Variants in POLR3A observed in about 807,000 individuals in gnomAD.
POLR3A encodes RNA polymerase III subunit A, also known as DNA-directed RNA polymerase III subunit RPC1.
A neutral mutation model predicts 152.8 loss-of-function variants in POLR3A; 112 were observed. The ratio of observed to expected loss-of-function variants is 0.73; its 90% CI spans 0.63 to 0.86. The LOEUF (loss-of-function observed/expected upper bound fraction) is 0.86, where lower values mean the gene tolerates loss of function less well. POLR3A is among the 40% of genes least tolerant of loss of function. The pLI, the probability that POLR3A is intolerant of heterozygous loss-of-function variation, is 0.00. For missense variants in POLR3A, 1,385 were observed against 1,743.1 expected, an observed-to-expected ratio of 0.79 and a Z score of 3.66; for synonymous variants, 615 against 652.1, an observed-to-expected ratio of 0.94 and a Z score of 0.87.
At position 77,976,220 on chromosome 10, in the gene POLR3A, C is replaced by A. The variant is rs1181485769; in HGVS notation, c.*1258G>T. The stretch of plus-strand genomic sequence containing the variant: ...TCTTGGCTCACTACAACCTCCACCT[C>A]CCAGGCTCAAGTGAACCTTCCACCT... On this transcript the variant is annotated 3_prime_UTR_variant, in exon 31 of 31. Transcript: ENST00000372371. 6.6e-6 allele frequency: 1 copy of A among 151,718 alleles called. No homozygotes were observed. The highest frequency in any genetic ancestry group is 1.9e-4 in the East Asian group (1 of 5,142). The allele number at this position is 151,718 out of a possible 1,614,324, so 9.4% of individuals were successfully genotyped here.
chr10:77,988,350 C>T (rs531982067), intron 21 of POLR3A, among the ~76,000 whole-genome samples: 1 of 152,138 alleles, frequency 6.6e-6, no homozygotes, highest in African/African-American at 2.4e-5. Flanking sequence ...GGTGAAACCC[C>T]GTCTCTACTA....
At chr10:77,989,746 A>G (rs1847229844) in intron 21 of POLR3A, among the ~76,000 whole-genome samples, 1 of 152,194 alleles carries the variant, frequency 6.6e-6, no homozygotes, top group Non-Finnish European at 1.5e-5. Flanking sequence ...ACCTCGTTAT[A>G]GCTTTCATAA....
chr10:78,026,792 A>T (rs1847639637), intron 1 of POLR3A, among the ~76,000 whole-genome samples: 1 of 152,184 alleles, frequency 6.6e-6, no homozygotes, highest in African/African-American at 2.4e-5. Context: ...TAGGCCAGCT[A>T]CTGCTACCCA....
intron 8 of POLR3A, among the ~76,000 whole-genome samples, chr10:78,020,894 T>C (rs1021934829): frequency 3.3e-5 from 5 of 152,144 alleles, no homozygotes; most frequent in African/African-American, 1.2e-4. Flanking sequence ...AAAAAATCTA[T>C]CCCAAGAAAA....
At chr10:78,010,640 G>C in intron 11 of POLR3A, 100 bp from the exon 12 acceptor site, 1 of 860,646 alleles carries the variant, frequency 1.2e-6, no homozygotes, top group Middle Eastern at 2.2e-4. Context: ...AACAAATACA[G>C]AGTAGCAGAA....
chr10:78,025,693 A>G lies in POLR3A; in HGVS notation c.247T>C (p.Tyr83His), dbSNP rs1266570348. The G allele has an allele frequency of 6.2e-7, 1 of 1,613,970 alleles. No homozygotes were observed. The highest frequency in any genetic ancestry group is 1.7e-5 in the Admixed American group (1 of 60,014). The change falls in exon 3 of 31, where the codon TAT (tyrosine) becomes CAT (histidine). Residue 83 changes from tyrosine to histidine, a missense_variant. Transcript: ENST00000372371. ...GKNLADCLGH[Y>H]GYIDLELPCF... is the part of the protein sequence containing the mutation. ...GGCAACTCCAGGTCGATATACCCAT[A>G]GTGGCCTAGACAGTCAGCCAAGTTT...
intron 14 of POLR3A, 61 bp from the exon 15 acceptor site, chr10:78,007,927 G>T: frequency 7.9e-7 from 1 of 1,262,472 alleles, no homozygotes; most frequent in Non-Finnish European, 1.1e-6. Context: ...ATTCCAAAAT[G>T]AATTTGAGAC....
intron 5 of POLR3A, 34 bp from the exon 6 acceptor site, chr10:78,022,418 CTA>C: frequency 6.2e-7 from 1 of 1,609,218 alleles, no homozygotes; most frequent in African/African-American, 1.3e-5. Context: ...AATGGAGATA[CTA>C]TGTTAGTTTT....
intron 3 of POLR3A, among the ~76,000 whole-genome samples, 181 bp downstream of exon 3, chr10:78,025,437 GTAAA>G (rs1253084868): frequency 6.6e-6 from 1 of 152,098 alleles, no homozygotes; most frequent in Admixed American, 6.5e-5. Context: ...TCTTCTCAAG[GTAAA>G]TAAACAAAAT....
rs41274600 is a variant in POLR3A, at chr10:77,982,811, C to A, written c.3436G>T (p.Ala1146Ser). 2 of 1,613,932 alleles carry A rather than the reference C, an allele frequency of 1.2e-6. No individual in the cohort carries two copies. The highest frequency in any genetic ancestry group is 1.7e-6 in the Non-Finnish European group (2 of 1,179,854). Residue 1146 changes from alanine to serine, a missense_variant, in exon 27 of 31, where the codon GCT becomes TCT. Physicochemically the swap from Ala to Ser is moderately conservative, Grantham distance 99 (BLOSUM62 1). This residue lies in a region of POLR3A where 332 missense variants were observed against 400.1 expected (regional missense o/e 0.83). Coordinates refer to ENST00000372371, the MANE Select transcript of POLR3A (RefSeq NM_007055.4). ...RIRLLRLEVNAETVRYSICTS... is the reference protein window; with the variant it reads ...RIRLLRLEVNSETVRYSICTS... ...CAGATGGAATATCTCACTGTCTCAG[C>A]GTTCACCTGCAACATGGCCAGGTGT...
chr10:77,993,461 A>G, intron 19 of POLR3A, 94 bp from the exon 20 acceptor site: 1 of 910,274 alleles, frequency 1.1e-6, no homozygotes, highest in Admixed American at 1.8e-5. Flanking sequence ...TCAAGGTTAC[A>G]AGCACTTTAA....
intron 19 of POLR3A, among the ~76,000 whole-genome samples, chr10:77,999,662 T>C (rs1013230824): frequency 6.6e-6 from 1 of 152,170 alleles, no homozygotes; most frequent in South Asian, 2.1e-4. Context: ...ATAACCCTCA[T>C]TGTCACGTGT....
intron 28 of POLR3A, 57 bp from the exon 29 acceptor site, chr10:77,981,616 C>A (rs1017287083): frequency 3.3e-5 from 53 of 1,593,902 alleles, no homozygotes; most frequent in Non-Finnish European, 4.0e-5. Flanking sequence ...ACTGCAAATT[C>A]TCTCCACTTT....
chr10:77,982,264 G>C lies in POLR3A; in HGVS notation c.3649C>G (p.Gln1217Glu). Residue 1217 changes from glutamine to glutamate, a missense_variant, in exon 28 of 31, where the codon CAG becomes GAG. By Grantham distance (29) the Gln-to-Glu change is conservative. Around this residue, in one of 7 missense-constraint regions of POLR3A, gnomAD observed 332 missense variants for 400.1 expected, o/e 0.83. Transcript: ENST00000372371. ...AGCTTGTACTTCTCCTTTCCACTCT[G>C]CTCGTCAATGTGGATGACAGCTCTG... ...VSRAVIHIDEQSGKEKYKLLV... is the reference protein window; with the variant it reads ...VSRAVIHIDEESGKEKYKLLV... 6.2e-7 allele frequency: 1 copy of C among 1,613,834 alleles called. No homozygotes were observed.
rs267608676 is a variant in POLR3A at position 78,009,539 on chromosome 10, G to A, written c.1907C>T (p.Ser636Phe). ...GKGEDLCAND[S>F]YVTIQNSELM... ...CCACCCGAGTTCCGTCCACTCACAG[G>A]AATCATTGGCACAGAGATCTTCCCC... The change falls in exon 14 of 31, where the codon TCC becomes TTC. Residue 636 changes from serine to phenylalanine, a missense_variant and splice_region_variant. By Grantham distance (155) the Ser-to-Phe change is radical. Around this residue, in one of 7 missense-constraint regions of POLR3A, gnomAD observed 188 missense variants for 179.9 expected, o/e 1.04. Transcript: ENST00000372371. 5.0e-6 allele frequency: 8 copies of A among 1,614,178 alleles called. No individual in the cohort carries two copies. The highest frequency in any genetic ancestry group is 6.8e-6 in the Non-Finnish European group (8 of 1,180,052).
At chr10:77,991,532 C>CT (rs1304763780) in intron 20 of POLR3A, among the ~76,000 whole-genome samples, 1 of 151,950 alleles carries the variant, frequency 6.6e-6, no homozygotes, top group African/African-American at 2.4e-5. Context: ...ATAAATTTCT[C>CT]TTTTTTTTGA....
intron 18 of POLR3A, 93 bp downstream of exon 18, chr10:78,000,883 C>A (rs1399438739): frequency 1.3e-6 from 1 of 748,280 alleles, no homozygotes; most frequent in Non-Finnish European, 2.4e-6. Flanking sequence ...ATGAAATTGG[C>A]CAACGGTCTT....
At chr10:78,005,200 A>AT (rs1226443678) in intron 15 of POLR3A, among the ~76,000 whole-genome samples, 1 of 152,238 alleles carries the variant, frequency 6.6e-6, no homozygotes, top group African/African-American at 2.4e-5. Flanking sequence ...ATTAAACACT[A>AT]AAGGGTGGCC....
intron 8 of POLR3A, among the ~76,000 whole-genome samples, chr10:78,020,578 G>C (rs1179231084): frequency 6.6e-6 from 1 of 151,836 alleles, no homozygotes; most frequent in African/African-American, 2.4e-5. Flanking sequence ...CACGAGGTCA[G>C]GAGATCGAGA....
Sources: gnomAD v4.1 joint callset for allele counts (sites outside exome capture counted in the v4.1 genomes callset) on GRCh38, gnomAD v4.1.1 for gene constraint, gnomAD v4.1.1 regional missense constraint, MANE v1.5 for transcripts, NCBI Gene and HGNC (gene_info 2026-07-23, HGNC 2026-07-21) for gene names.